Variants in CNBD1 observed in about 807,000 individuals in gnomAD.
CNBD1 encodes the protein cyclic nucleotide-binding domain-containing protein 1.
Under a neutral mutation model 54.4 loss-of-function variants are expected in CNBD1, and 71 were observed. That is an observed-to-expected ratio of 1.30 (90% CI 1.08 to 1.59). The LOEUF (loss-of-function observed/expected upper bound fraction) is 1.59, where lower values mean the gene tolerates loss of function less well. Among genes scored for constraint, CNBD1 ranks in the 40% most tolerant of loss-of-function variants. CNBD1 has a pLI of 0.00. For synonymous variants in CNBD1, 182 were observed against 170.7 expected (o/e 1.07, Z -0.51); for missense variants, 659 against 518.0 (o/e 1.27, Z -2.64).
chr8:87,289,328 A>C (rs568336363), intron 8 of CNBD1, among the ~76,000 whole-genome samples: 1 of 152,248 alleles, frequency 6.6e-6, no homozygotes, highest in African/African-American at 2.4e-5. Flanking sequence ...TCATATGCCA[A>C]GGGAACCTTA....
intron 8 of CNBD1, among the ~76,000 whole-genome samples, chr8:87,303,931 A>C (rs960598479): frequency 6.6e-6 from 1 of 152,288 alleles, no homozygotes; most frequent in Non-Finnish European, 1.5e-5. Context: ...TCAAAACCAC[A>C]ATGAGATATC....
intron 4 of CNBD1, among the ~76,000 whole-genome samples, chr8:87,011,512 G>C (rs1809221791): frequency 6.6e-6 from 1 of 151,984 alleles, no homozygotes; most frequent in South Asian, 2.1e-4. Context: ...TTGTTTTGGA[G>C]GTAGGGGTGT....
intron 5 of CNBD1, among the ~76,000 whole-genome samples, chr8:87,230,761 G>A (rs1320452073): frequency 6.6e-6 from 1 of 152,098 alleles, no homozygotes; most frequent in Non-Finnish European, 1.5e-5. Flanking sequence ...AGGAATAGCT[G>A]TTTCTAGATT....
chr8:87,172,063 T>G, intron 4 of CNBD1, among the ~76,000 whole-genome samples: 1 of 152,180 alleles, frequency 6.6e-6, no homozygotes, highest in East Asian at 1.9e-4. Context: ...TTCAATTTTC[T>G]TCTTAATTTC....
intron 6 of CNBD1, among the ~76,000 whole-genome samples, chr8:87,261,047 T>C (rs936873762): frequency 6.6e-6 from 1 of 152,146 alleles, no homozygotes; most frequent in East Asian, 1.9e-4. Flanking sequence ...CCTGCAATAC[T>C]ACTGCTTCCT....
intron 8 of CNBD1, among the ~76,000 whole-genome samples, chr8:87,302,192 G>C (rs950588255): frequency 2.6e-5 from 4 of 152,006 alleles, no homozygotes; most frequent in Non-Finnish European, 4.4e-5. Flanking sequence ...CAAAAAAAGA[G>C]AATTTTAGAC....
intron 5 of CNBD1, 26 bp downstream of exon 5, chr8:87,206,164 T>G (rs1454509868): frequency 6.7e-7 from 1 of 1,492,664 alleles, no homozygotes; most frequent in South Asian, 1.4e-5. Flanking sequence ...GGGATAAATT[T>G]GGCGAGATAA....
chr8:87,236,507 T>C (rs1463633599), intron 5 of CNBD1, among the ~76,000 whole-genome samples: 1 of 152,096 alleles, frequency 6.6e-6, no homozygotes, highest in East Asian at 1.9e-4. Flanking sequence ...TAAGGGTAGG[T>C]ATATATTGTT....
chr8:87,141,583 A>G (rs1190197547), intron 4 of CNBD1, among the ~76,000 whole-genome samples: 2 of 152,066 alleles, frequency 1.3e-5, no homozygotes, highest in African/African-American at 4.8e-5. Flanking sequence ...CCTCTTAAGT[A>G]CAGCTTATTT....
intron 10 of CNBD1, among the ~76,000 whole-genome samples, chr8:87,371,636 A>G (rs984531664): frequency 7.2e-5 from 11 of 152,028 alleles, no homozygotes; most frequent in African/African-American, 2.4e-4. Context: ...AAGCTTATCC[A>G]CTATGATCAA....
intron 4 of CNBD1, among the ~76,000 whole-genome samples, chr8:87,077,879 C>T (rs1005437123): frequency 7.9e-5 from 12 of 152,002 alleles, no homozygotes; most frequent in Admixed American, 7.2e-4. Context: ...AATAAACACA[C>T]GTGTGCATGT....
At chr8:87,389,377 C>A (rs957601511) in intron 2 of CNBD1, among the ~76,000 whole-genome samples, 4 of 152,064 alleles carry the variant, frequency 2.6e-5, no homozygotes, top group Admixed American at 2.6e-4. Flanking sequence ...AAAATCTCTT[C>A]AAGCTGATAG....
intron 6 of CNBD1, among the ~76,000 whole-genome samples, chr8:87,255,685 T>C (rs2130843344): frequency 6.6e-6 from 1 of 151,806 alleles, no homozygotes; most frequent in East Asian, 2.0e-4. Flanking sequence ...AGGAATTGAG[T>C]CAGCTGACAC....
intron 10 of CNBD1, among the ~76,000 whole-genome samples, chr8:87,368,937 C>T (rs1221237329): frequency 6.6e-6 from 1 of 151,854 alleles, no homozygotes; most frequent in East Asian, 2.0e-4. Flanking sequence ...CCTTCTTTTC[C>T]TTCTCATGAC....
At chr8:87,114,277 A>G (rs192596001) in intron 4 of CNBD1, among the ~76,000 whole-genome samples, 1 of 152,334 alleles carries the variant, frequency 6.6e-6, no homozygotes, top group East Asian at 1.9e-4. Context: ...AGTAAATTAC[A>G]TTAGAGTATA....
chr8:87,318,418 TGTTTA>T (rs1470881447), intron 8 of CNBD1, among the ~76,000 whole-genome samples: 5 of 152,092 alleles, frequency 3.3e-5, no homozygotes, highest in Non-Finnish European at 7.4e-5. Flanking sequence ...ATCAGAACAG[TGTTTA>T]GTTTAGGTCT....
chr8:87,180,786 A>G (rs1248110464), intron 4 of CNBD1, among the ~76,000 whole-genome samples: 2 of 152,216 alleles, frequency 1.3e-5, no homozygotes, highest in South Asian at 4.1e-4. Context: ...CAGGCAGTCC[A>G]TATTTTATGT....
At position 86,866,448 on chromosome 8, in the gene CNBD1, TGCCTCTCAA is replaced by T; in HGVS notation, c.-45_-37del. On this transcript the variant is annotated 5_prime_UTR_variant, in exon 1 of 11. Coordinates refer to ENST00000518476, the MANE Select transcript of CNBD1 (RefSeq NM_173538.3). ...AGCCTGCAGGCAAAGAGTGATCATT[TGCCTCTCAA>T]GCAGCCTCTGGTCATCTATCTGCCT... The T allele has an allele frequency of 7.2e-7, 1 of 1,380,012 alleles. No homozygotes were observed. The highest frequency in any genetic ancestry group is 1.0e-6 in the Non-Finnish European group (1 of 981,140). 85.5% of individuals were successfully genotyped at this position (1,380,012 alleles called of 1,614,324 possible).
At chr8:87,398,030 T>G (rs1407712567) in intron 2 of CNBD1, among the ~76,000 whole-genome samples, 3 of 151,852 alleles carry the variant, frequency 2.0e-5, no homozygotes, top group Non-Finnish European at 4.4e-5. Context: ...CTTTCATTTG[T>G]AAATTGCTCA....
Sources: gnomAD v4.1 joint callset for allele counts (sites outside exome capture counted in the v4.1 genomes callset) on GRCh38, gnomAD v4.1.1 for gene constraint, MANE v1.5 for transcripts, NCBI Gene and HGNC (gene_info 2026-07-23, HGNC 2026-07-21) for gene names.